The following CREBBP variants were observed in gnomAD, a reference collection of about 807,000 sequenced individuals.
CREBBP encodes the protein CREB binding lysine acetyltransferase.
In CREBBP, 19 loss-of-function variants were observed where a neutral mutation model predicts 265.0. The ratio of observed to expected loss-of-function variants is 0.07; its 90% CI spans 0.05 to 0.11. CREBBP has a LOEUF of 0.11. CREBBP is among the 10% of genes least tolerant of loss of function. CREBBP has a pLI of 1.00. For synonymous variants in CREBBP, 1,457 were observed against 1,223.7 expected (o/e 1.19, Z -3.98); for missense variants, 2,525 against 3,219.0 (o/e 0.78, Z 5.22).
At chr16:3,792,127 T>C in intron 4 of CREBBP, 33 bp from the exon 5 acceptor site, 1 of 1,512,828 alleles carries the variant, frequency 6.6e-7, no homozygotes, top group Non-Finnish European at 9.2e-7. Context: ...ATGTTATTTT[T>C]CTATCCAAAT....
intron 1 of CREBBP, among the ~76,000 whole-genome samples, chr16:3,870,137 T>C (rs976026797): frequency 3.9e-5 from 6 of 152,028 alleles, no homozygotes; most frequent in Non-Finnish European, 5.9e-5. Context: ...GGGTAACTTT[T>C]ACTTATAAAA....
chr16:3,848,243 G>A (rs1277716399), intron 2 of CREBBP, among the ~76,000 whole-genome samples: 2 of 151,912 alleles, frequency 1.3e-5, no homozygotes, highest in Non-Finnish European at 2.9e-5. Flanking sequence ...TGGCTGACAT[G>A]AAGTTACTGT....
At chr16:3,736,490 AG>A (rs2052065007) in intron 27 of CREBBP, 159 bp downstream of exon 27, 1 of 1,105,696 alleles carries the variant, frequency 9.0e-7, no homozygotes, top group African/African-American at 1.6e-5. Flanking sequence ...AATCAGCTGA[AG>A]AAAATGCTTC....
chr16:3,826,472 T>A (rs1164313320), intron 2 of CREBBP, among the ~76,000 whole-genome samples: 3 of 152,092 alleles, frequency 2.0e-5, no homozygotes, highest in Admixed American at 1.3e-4. Flanking sequence ...AGGCACGACC[T>A]CAACCAGGTG....
chr16:3,761,429 C>T (rs1203261621), intron 16 of CREBBP: 2 of 458,478 alleles, frequency 4.4e-6, no homozygotes, highest in African/African-American at 4.1e-5. Flanking sequence ...TGGAAAGCGT[C>T]ATCTGATTCC....
intron 1 of CREBBP, among the ~76,000 whole-genome samples, chr16:3,875,435 T>A (rs1230338606): frequency 1.3e-5 from 2 of 152,048 alleles, no homozygotes; most frequent in Non-Finnish European, 1.5e-5. Flanking sequence ...CTCCCTGAGG[T>A]AAACAGGAAC....
At chr16:3,746,742 T>C (rs2052351951) in intron 21 of CREBBP, among the ~76,000 whole-genome samples, 1 of 152,076 alleles carries the variant, frequency 6.6e-6, no homozygotes, top group Non-Finnish European at 1.5e-5. Context: ...ACTGGGAGTT[T>C]GAGACCAGCC....
At chr16:3,732,916 C>T (rs12051216) in intron 28 of CREBBP, among the ~76,000 whole-genome samples, 22,759 of 151,862 alleles carry the variant, frequency 0.15, 4,420 homozygotes, top group African/African-American at 0.44. Flanking sequence ...GTCAGGCTGG[C>T]CTTGAACTCC....
At chr16:3,745,423 T>A (rs2151356411) in intron 21 of CREBBP, 69 bp from the exon 22 acceptor site, 1 of 1,395,212 alleles carries the variant, frequency 7.2e-7, no homozygotes, top group African/African-American at 1.5e-5. Context: ...TGTAGAAGTC[T>A]GTGTGTGCGT....
Position 3,727,569 on chromosome 16 carries a change from T to C in CREBBP, c.*149A>G, listed in dbSNP as rs1007639963. ...AACTGGTTTTTAACAAAAAAATATA[T>C]TCTTTGTATTGTTTCTTTAAACATC... is the stretch of plus-strand genomic sequence containing the variant. On this transcript the variant is annotated 3_prime_UTR_variant, in exon 31 of 31. Transcript: ENST00000262367. The C allele has an allele frequency of 1.6e-5, 19 of 1,162,742 alleles. No individual in the cohort carries two copies. In the Admixed American group the frequency reaches 5.9e-4, roughly 36 times the overall value. 72.0% of individuals were successfully genotyped at this position (1,162,742 alleles called of 1,614,324 possible).
intron 14 of CREBBP, 113 bp from the exon 15 acceptor site, chr16:3,769,466 A>C: frequency 7.6e-7 from 1 of 1,319,664 alleles, no homozygotes; most frequent in Admixed American, 1.8e-5. Context: ...ATACTGATCC[A>C]GCAGGTGCCC....
chr16:3,755,760 T>C (rs1422444290), intron 19 of CREBBP, among the ~76,000 whole-genome samples: 1 of 152,146 alleles, frequency 6.6e-6, no homozygotes, highest in African/African-American at 2.4e-5. Flanking sequence ...AAAGGGGAAG[T>C]TGAGATGGAA....
Position 3,839,869 on chromosome 16 carries a change from GAGAAA to G in CREBBP, c.798+10423_798+10427del, listed in dbSNP as rs545258090. On this transcript the variant is annotated intron_variant, in intron 2 of 30. Coordinates refer to ENST00000262367, the MANE Select transcript of CREBBP (RefSeq NM_004380.3). ...AGAGAGGAAGAGTGAGAGAAAGAAA[GAGAAA>G]AGAAAAGAAAAGAAAAAAGAAATTC... Among the ~76,000 whole-genome samples the G allele has an allele frequency of 1.0e-3, 153 of 151,854 alleles. 2 individuals carry two copies. The highest frequency in any genetic ancestry group is 2.9e-3 in the African/African-American group (122 of 41,420).
chr16:3,859,864 T>C (rs910230448), intron 1 of CREBBP, among the ~76,000 whole-genome samples: 4 of 152,216 alleles, frequency 2.6e-5, no homozygotes, highest in African/African-American at 9.6e-5. Flanking sequence ...GTATCCTTCA[T>C]AATATCCTTT....
At chr16:3,810,810 G>A (rs2053924777) in intron 2 of CREBBP, 31 bp from the exon 3 acceptor site, 1 of 1,610,454 alleles carries the variant, frequency 6.2e-7, no homozygotes, top group Non-Finnish European at 8.5e-7. Flanking sequence ...CATCAGCTGT[G>A]GTGACGCAGT....
chr16:3,849,435 GTGTGTGTGTGT>G (rs1567360331), intron 2 of CREBBP, among the ~76,000 whole-genome samples: 726 of 15,654 alleles, frequency 0.046, 66 homozygotes, highest in Non-Finnish European at 0.11. Context: ...GTGTGTGTGT[GTGTGTGTGTGT>G]GTGTGTGTGT....
chr16:3,739,530 T>C, intron 25 of CREBBP, 48 bp downstream of exon 25: 1 of 1,612,598 alleles, frequency 6.2e-7, no homozygotes, highest in South Asian at 1.1e-5. Context: ...TGGTCTATCC[T>C]AACACGGCTC....
At chr16:3,824,867 C>T (rs533987986) in intron 2 of CREBBP, among the ~76,000 whole-genome samples, 1 of 152,360 alleles carries the variant, frequency 6.6e-6, no homozygotes, top group South Asian at 2.1e-4. Context: ...ACTCCCTGTG[C>T]CTCAACAGTG....
At chr16:3,740,684 A>T in intron 23 of CREBBP, 135 bp from the exon 24 acceptor site, 1 of 1,035,032 alleles carries the variant, frequency 9.7e-7, no homozygotes. Flanking sequence ...ACACGGAAGA[A>T]ATCTAATCTG....
Sources: allele counts gnomAD v4.1 joint callset (sites outside exome capture counted in the v4.1 genomes callset), GRCh38; gene constraint gnomAD v4.1.1; transcripts MANE v1.5; gene names NCBI Gene and HGNC (gene_info 2026-07-23, HGNC 2026-07-21).